Variants in KCNIP4 observed in about 807,000 individuals in gnomAD.
The protein encoded by KCNIP4 is potassium voltage-gated channel interacting protein 4, also known as Kv channel-interacting protein 4.
Under a neutral mutation model 34.0 loss-of-function variants are expected in KCNIP4, and 12 were observed. That is an observed-to-expected ratio of 0.35 (90% CI 0.23 to 0.57). KCNIP4 has a LOEUF of 0.57. Among genes scored for constraint, KCNIP4 ranks in the 20% least tolerant of loss-of-function variants. KCNIP4 has a pLI of 0.83. For missense variants in KCNIP4, 238 were observed against 311.7 expected, an observed-to-expected ratio of 0.76 and a Z score of 1.78; for synonymous variants, 124 against 102.2, an observed-to-expected ratio of 1.21 and a Z score of -1.29.
At chr4:20,982,669 G>A (rs1180754529) in intron 1 of KCNIP4, among the ~76,000 whole-genome samples, 1 of 152,144 alleles carries the variant, frequency 6.6e-6, no homozygotes, top group African/African-American at 2.4e-5. Context: ...TAGAATAAAA[G>A]GACTTTCTGA....
At chr4:21,766,679 A>T (rs977715590) in intron 1 of KCNIP4, among the ~76,000 whole-genome samples, 1 of 152,118 alleles carries the variant, frequency 6.6e-6, no homozygotes, top group Non-Finnish European at 1.5e-5. Flanking sequence ...GATTATTATT[A>T]TCATCTCATT....
At chr4:21,753,034 G>T (rs1216780178) in intron 1 of KCNIP4, among the ~76,000 whole-genome samples, 1 of 152,058 alleles carries the variant, frequency 6.6e-6, no homozygotes, top group Non-Finnish European at 1.5e-5. Context: ...CTTTCTGGGG[G>T]CACTTGGAAG....
chr4:21,295,630 C>A (rs1763795052), intron 1 of KCNIP4, among the ~76,000 whole-genome samples: 1 of 152,080 alleles, frequency 6.6e-6, no homozygotes, highest in East Asian at 1.9e-4. Flanking sequence ...ATGCTCTTAT[C>A]CCAGACTCTC....
intron 2 of KCNIP4, 85 bp from the exon 3 acceptor site, chr4:20,850,752 A>G: frequency 2.8e-6 from 4 of 1,445,638 alleles, no homozygotes; most frequent in Non-Finnish European, 3.7e-6. Context: ...ACGGAAGAAC[A>G]TGTCTGCTAA....
intron 1 of KCNIP4, among the ~76,000 whole-genome samples, chr4:21,631,217 T>C (rs1000635509): frequency 2.0e-5 from 3 of 152,324 alleles, no homozygotes; most frequent in Middle Eastern, 3.4e-3. Context: ...AAACCTACTA[T>C]AAAACATGCT....
At chr4:21,560,187 T>C (rs1259839224) in intron 1 of KCNIP4, among the ~76,000 whole-genome samples, 3 of 152,096 alleles carry the variant, frequency 2.0e-5, no homozygotes, top group Admixed American at 1.3e-4. Context: ...AATTGAACTT[T>C]GTTTCACTTG....
At chr4:20,848,829 C>T (rs1720684426) in intron 3 of KCNIP4, among the ~76,000 whole-genome samples, 1 of 152,176 alleles carries the variant, frequency 6.6e-6, no homozygotes, top group African/African-American at 2.4e-5. Context: ...CTGCTTATTA[C>T]TAGATCTCTG....
Position 21,798,124 on chromosome 4 carries a change from C to CA in KCNIP4, c.61+150446dup, listed in dbSNP as rs66713649. Among the ~76,000 whole-genome samples the CA allele has an allele frequency of 3.8e-3, 559 of 145,250 alleles. 3 individuals carry two copies. The highest frequency in any genetic ancestry group is 5.3e-3 in the South Asian group (24 of 4,566). ...ATGTTGCACTTAAATATATAAAATACAAAAAAAAAATACGTACACACATAT... is the reference window on the plus strand; with the variant it reads ...ATGTTGCACTTAAATATATAAAATACAAAAAAAAAAATACGTACACACATAT... On this transcript the variant is annotated intron_variant, in intron 1 of 8. Coordinates refer to ENST00000382152, the MANE Select transcript of KCNIP4 (RefSeq NM_025221.6).
chr4:20,735,126 T>C (rs1353839706), intron 5 of KCNIP4, among the ~76,000 whole-genome samples: 1 of 152,214 alleles, frequency 6.6e-6, no homozygotes, highest in East Asian at 1.9e-4. Flanking sequence ...AACCGTTTGC[T>C]AATAAGAAAT....
At position 21,406,330 on chromosome 4, in the gene KCNIP4, T is replaced by A. The variant is rs566358343; in HGVS notation, c.62-523621A>T. The stretch of plus-strand genomic sequence containing the variant: ...ATTAAAACCCTCTCCTATCTCTTCC[T>A]CCTAATCTAATAGTGCAAAAGGCAT... On this transcript the variant is annotated intron_variant, in intron 1 of 8. Coordinates refer to ENST00000382152, the MANE Select transcript of KCNIP4 (RefSeq NM_025221.6). Among the ~76,000 whole-genome samples the A allele has an allele frequency of 2.0e-5, 3 of 152,246 alleles. No homozygotes were observed. The South Asian group carries it at 6.2e-4, about 32-fold the overall frequency.
At chr4:21,429,578 C>G (rs770194337) in intron 1 of KCNIP4, among the ~76,000 whole-genome samples, 2 of 152,180 alleles carry the variant, frequency 1.3e-5, no homozygotes, top group Non-Finnish European at 2.9e-5. Flanking sequence ...TCCAAAGTGG[C>G]TGTACCATTT....
intron 1 of KCNIP4, among the ~76,000 whole-genome samples, chr4:20,894,318 A>T (rs1421785157): frequency 6.6e-6 from 1 of 152,156 alleles, no homozygotes; most frequent in African/African-American, 2.4e-5. Flanking sequence ...ATTGATTCTT[A>T]ATAGGATTTG....
intron 1 of KCNIP4, among the ~76,000 whole-genome samples, chr4:21,576,116 G>A (rs756851720): frequency 1.3e-5 from 2 of 152,100 alleles, no homozygotes; most frequent in African/African-American, 4.8e-5. Flanking sequence ...AGCAAATATC[G>A]GTAGAATGAC....
intron 1 of KCNIP4, among the ~76,000 whole-genome samples, chr4:21,720,268 A>G (rs1315504075): frequency 1.3e-5 from 2 of 152,100 alleles, no homozygotes; most frequent in East Asian, 1.9e-4. Context: ...AGTACAGTAC[A>G]TATTTCTCCA....
intron 1 of KCNIP4, among the ~76,000 whole-genome samples, chr4:21,822,400 T>G (rs187436787): frequency 6.6e-6 from 1 of 152,120 alleles, no homozygotes; most frequent in Non-Finnish European, 1.5e-5. Flanking sequence ...CTCAACCCAA[T>G]AATCCAACAA....
chr4:21,862,028 C>G (rs1237717343), intron 1 of KCNIP4, among the ~76,000 whole-genome samples: 1 of 152,194 alleles, frequency 6.6e-6, no homozygotes, highest in Non-Finnish European at 1.5e-5. Flanking sequence ...AATTCCACCT[C>G]TGAGCTTTTC....
intron 1 of KCNIP4, among the ~76,000 whole-genome samples, chr4:21,619,635 G>A (rs978735162): frequency 6.6e-6 from 1 of 152,174 alleles, no homozygotes; most frequent in South Asian, 2.1e-4. Context: ...AGATCCCAAG[G>A]TGAGGCTCCC....
chr4:21,440,153 T>C (rs1351051496), intron 1 of KCNIP4, among the ~76,000 whole-genome samples: 1 of 152,250 alleles, frequency 6.6e-6, no homozygotes, highest in Non-Finnish European at 1.5e-5. Flanking sequence ...AATTCACTAG[T>C]ATCCAGCTTA....
intron 8 of KCNIP4, 57 bp from the exon 9 acceptor site, chr4:20,730,186 C>CTATT (rs1747649817): frequency 6.5e-7 from 1 of 1,543,394 alleles, no homozygotes; most frequent in East Asian, 2.4e-5. Context: ...GAAAAGTACA[C>CTATT]TATTTTGCCC....
Sources: allele counts gnomAD v4.1 joint callset (sites outside exome capture counted in the v4.1 genomes callset), GRCh38; gene constraint gnomAD v4.1.1; transcripts MANE v1.5; gene names NCBI Gene and HGNC (gene_info 2026-07-23, HGNC 2026-07-21).